FAM240C: variants seen among roughly 807,000 people sequenced by gnomAD.
The protein encoded by FAM240C is protein FAM240C.
A neutral mutation model predicts 10.0 loss-of-function variants in FAM240C; 14 were observed. That is an observed-to-expected ratio of 1.40 (90% CI 0.92 to 2.19). FAM240C has a LOEUF of 2.19. Among genes scored for constraint, FAM240C ranks in the 30% most tolerant of loss-of-function variants. FAM240C has a pLI of 0.00. For missense variants in FAM240C, 154 were observed against 122.3 expected, an observed-to-expected ratio of 1.26 and a Z score of -1.22; for synonymous variants, 49 against 44.3, an observed-to-expected ratio of 1.11 and a Z score of -0.42.
intron 1 of FAM240C, chr2:241,899,283 G>A: frequency 7.9e-7 from 1 of 1,265,402 alleles, no homozygotes; most frequent in Non-Finnish European, 1.0e-6. Flanking sequence ...GTGGGTGCTG[G>A]GCGCTTTGCT....
chr2:241,896,991 G>C (rs78709065), intron 2 of FAM240C, among the ~76,000 whole-genome samples, 195 bp downstream of exon 2: 3 of 151,876 alleles, frequency 2.0e-5, no homozygotes, highest in Non-Finnish European at 2.9e-5. Flanking sequence ...TGTTCCAAGC[G>C]TGATCACTAA....
chr2:241,902,430 C>T (rs1158277872), upstream of FAM240C: 1 of 149,112 alleles, frequency 6.7e-6, no homozygotes, highest in East Asian at 1.9e-4. The surrounding 1 kb of genome is among the most constrained non-coding windows in gnomAD (Gnocchi z 7.1). Context: ...GCCGCCTCCC[C>T]TCCGCCTGCC....
intron 1 of FAM240C, among the ~76,000 whole-genome samples, chr2:241,898,107 A>G (rs919913195): frequency 1.5e-4 from 23 of 152,160 alleles, no homozygotes; most frequent in Admixed American, 5.9e-4. Context: ...CAGTGGGGTT[A>G]AATGTGGCAG....
upstream of FAM240C, among the ~76,000 whole-genome samples, chr2:241,901,278 C>T (rs1163947512): frequency 6.6e-6 from 1 of 152,188 alleles, no homozygotes; most frequent in Admixed American, 6.5e-5. This position sits in a 1 kb window ranked among gnomAD's most constrained non-coding sequence, Gnocchi z 4.9. Context: ...CTCCCAGGAT[C>T]CATCCCTCCA....
At chr2:241,899,077 G>C (rs1194850611) in intron 1 of FAM240C, 2 of 1,272,090 alleles carry the variant, frequency 1.6e-6, no homozygotes, top group Non-Finnish European at 2.1e-6. Context: ...AAACCAGGCA[G>C]CTGAGACCCG....
chr2:241,900,814 C>T (rs1701966127), upstream of FAM240C, among the ~76,000 whole-genome samples: 1 of 152,130 alleles, frequency 6.6e-6, no homozygotes, highest in African/African-American at 2.4e-5. The surrounding 1 kb of genome is among the most constrained non-coding windows in gnomAD (Gnocchi z 4.5). Context: ...AACGACGATG[C>T]AGACACACTC....
chr2:241,894,393 A>G, intron 2 of FAM240C, 54 bp from the exon 3 acceptor site: 1 of 1,509,756 alleles, frequency 6.6e-7, no homozygotes, highest in Admixed American at 2.0e-5. Flanking sequence ...GAACTTAGTG[A>G]CGGCCAAGCC....
Position 241,894,191 on chromosome 2 carries a change from A to G in FAM240C, c.*22T>C. On this transcript the variant is annotated 3_prime_UTR_variant, in exon 3 of 3. Transcript: ENST00000404031. ...TCCATGACCCTCCGGAAGCTCATGC[A>G]GAGTCTGGAGCTCGTGGGCCCTCAG... 1 of 1,543,628 alleles carries G rather than the reference A, an allele frequency of 6.5e-7. No individual in the cohort carries two copies. Among genetic ancestry groups the G allele is most frequent in the Non-Finnish European group, 8.8e-7 (1 of 1,142,178 alleles).
chr2:241,897,798 G>C (rs1383977150), intron 1 of FAM240C, among the ~76,000 whole-genome samples: 1 of 152,132 alleles, frequency 6.6e-6, no homozygotes, highest in Admixed American at 6.5e-5. Context: ...GCAGTGGTGC[G>C]ATCTCCCCTC....
upstream of FAM240C, chr2:241,900,587 A>G (rs1701961505): frequency 1.7e-6 from 1 of 573,586 alleles, no homozygotes; most frequent in Admixed American, 3.2e-5. The surrounding 1 kb of genome is among the most constrained non-coding windows in gnomAD (Gnocchi z 4.5). Context: ...GCAGCATGGG[A>G]ATCTGGAGGA....
At chr2:241,896,636 TG>T in intron 2 of FAM240C, among the ~76,000 whole-genome samples, 1 of 50,490 alleles carries the variant, frequency 2.0e-5, no homozygotes, top group Non-Finnish European at 4.0e-5. Context: ...TGTTGGGGTG[TG>T]GGTGAAGGGG....
chr2:241,902,326 C>G (rs1038008971), upstream of FAM240C, among the ~76,000 whole-genome samples: 1 of 119,402 alleles, frequency 8.4e-6, no homozygotes, highest in African/African-American at 2.9e-5. The surrounding 1 kb of genome is among the most constrained non-coding windows in gnomAD (Gnocchi z 7.1). Context: ...CTGCCGCCTC[C>G]CCTCCGCCGC....
At position 241,900,109 on chromosome 2, in the gene FAM240C, C is replaced by T. The variant is rs1049618481; in HGVS notation, c.12+249G>A. Among the ~76,000 whole-genome samples the T allele has an allele frequency of 7.9e-5, 12 of 152,130 alleles. No individual in the cohort carries two copies. The highest frequency in any genetic ancestry group is 2.7e-4 in the African/African-American group (11 of 41,428). ...CAACAAAACAAAACAACAATGACAA[C>T]AACAGACACACAAAGGGGTGCGTGT... On this transcript the variant is annotated intron_variant, in intron 1 of 2. Transcript: ENST00000404031. The surrounding 1 kb of genome is among the most constrained non-coding windows in gnomAD (Gnocchi z 4.5).
In FAM240C at chr2:241,899,011, A is replaced by G. The variant is rs527374596; in HGVS notation, c.12+1347T>C. Reference sequence around the variant, plus strand: ...AGGCATTTCTCTTTCCCCGCCCCCCACTCTTCTCTCTTGCTGGGGAAGAAC... The same window carrying G: ...AGGCATTTCTCTTTCCCCGCCCCCCGCTCTTCTCTCTTGCTGGGGAAGAAC... On this transcript the variant is annotated intron_variant, in intron 1 of 2. Transcript: ENST00000404031. 2.9e-4 allele frequency: 234 copies of G among 796,512 alleles called. 3 individuals are homozygous for G. The African/African-American group carries it at 3.9e-3, about 13-fold the overall frequency. The allele number at this position is 796,512 out of a possible 1,614,324, so 49.3% of individuals were successfully genotyped here.
At chr2:241,896,567 GGGTGTGGGGGTGTGGGTGTT>G in intron 2 of FAM240C, among the ~76,000 whole-genome samples, 3 of 135,244 alleles carry the variant, frequency 2.2e-5, no homozygotes, top group African/African-American at 8.1e-5. Flanking sequence ...GTTGGGGTGT[GGGTGTGGGGGTGTGGGTGTT>G]GGGGTGTGGG....
At chr2:241,902,577 C>T (rs994950086), upstream of FAM240C, 8 of 152,810 alleles carry the variant, frequency 5.2e-5, no homozygotes, top group Non-Finnish European at 8.8e-5. This position sits in a 1 kb window ranked among gnomAD's most constrained non-coding sequence, Gnocchi z 7.1. Flanking sequence ...TGCGGCATCA[C>T]CCAGCTCTGT....
upstream of FAM240C, chr2:241,900,551 G>A: frequency 3.3e-6 from 2 of 601,202 alleles, no homozygotes; most frequent in Middle Eastern, 4.5e-4. This position sits in a 1 kb window ranked among gnomAD's most constrained non-coding sequence, Gnocchi z 4.5. Flanking sequence ...CCCTGGCAGA[G>A]CTGTCCGTCC....
At chr2:241,899,451 C>T (rs1442237512) in intron 1 of FAM240C, 9 of 565,314 alleles carry the variant, frequency 1.6e-5, no homozygotes, top group Non-Finnish European at 2.0e-5. Context: ...GAAAACTCAT[C>T]CAATGAGGAG....
At chr2:241,896,047 T>A (rs1453072287) in intron 2 of FAM240C, among the ~76,000 whole-genome samples, 1 of 151,718 alleles carries the variant, frequency 6.6e-6, no homozygotes, top group Non-Finnish European at 1.5e-5. Context: ...CGTAGTTGGG[T>A]AGCTGGTGAG....
Sources: gnomAD v4.1 joint callset for allele counts (sites outside exome capture counted in the v4.1 genomes callset) on GRCh38, gnomAD v4.1.1 for gene constraint, Gnocchi (gnomAD v3.1) non-coding constraint, MANE v1.5 for transcripts, NCBI Gene and HGNC (gene_info 2026-07-23, HGNC 2026-07-21) for gene names.